Variants in KLF12 observed in about 807,000 individuals in gnomAD.
KLF12 encodes KLF transcription factor 12, also known as Krueppel-like factor 12.
In KLF12, 9 loss-of-function variants were observed where a neutral mutation model predicts 37.8. The ratio of observed to expected loss-of-function variants is 0.24; its 90% confidence interval spans 0.14 to 0.42. The LOEUF (loss-of-function observed/expected upper bound fraction) is 0.42, where lower values mean the gene tolerates loss of function less well. KLF12 is among the 10% of genes least tolerant of loss of function. The pLI, the probability that KLF12 is intolerant of heterozygous loss-of-function variation, is 1.00. For missense variants in KLF12, 411 were observed against 516.0 expected (o/e 0.80, Z 1.97); for synonymous variants, 208 against 202.1 (o/e 1.03, Z -0.25).
the KLF12 span, among the ~76,000 whole-genome samples, chr13:74,231,203 ATT>A: frequency 6.8e-5 from 10 of 147,456 alleles, no homozygotes; most frequent in African/African-American, 2.2e-4. Context: ...GGACCATGTC[ATT>A]TTTTTTTTTC....
chr13:73,830,706 C>T (rs1475757561), intron 4 of KLF12, among the ~76,000 whole-genome samples: 2 of 152,100 alleles, frequency 1.3e-5, no homozygotes, highest in African/African-American at 2.4e-5. Context: ...ACTACCACAA[C>T]GAGGCAAGAT....
chr13:73,873,520 C>T (rs1453784079), intron 3 of KLF12, among the ~76,000 whole-genome samples: 1 of 152,032 alleles, frequency 6.6e-6, no homozygotes, highest in Non-Finnish European at 1.5e-5. Context: ...TCTAAATGAC[C>T]AAAACTACAT....
intron 4 of KLF12, among the ~76,000 whole-genome samples, chr13:73,843,194 A>C (rs1003214964): frequency 2.0e-5 from 3 of 152,192 alleles, no homozygotes; most frequent in African/African-American, 7.2e-5. Context: ...TGTTTTTATA[A>C]AAAAGAGAAA....
At chr13:73,977,287 C>T (rs753520695) in intron 2 of KLF12, among the ~76,000 whole-genome samples, 1 of 152,118 alleles carries the variant, frequency 6.6e-6, no homozygotes, top group Non-Finnish European at 1.5e-5. Context: ...TCAAAGTGAT[C>T]TGCTCACCTC....
At chr13:74,116,234 C>T (rs1018558591) in intron 1 of KLF12, among the ~76,000 whole-genome samples, 3 of 152,180 alleles carry the variant, frequency 2.0e-5, no homozygotes, top group African/African-American at 7.2e-5. Flanking sequence ...GATTACTTAA[C>T]ACAATGCCCA....
At chr13:73,899,968 T>C (rs909769229) in intron 3 of KLF12, among the ~76,000 whole-genome samples, 2 of 152,222 alleles carry the variant, frequency 1.3e-5, no homozygotes, top group African/African-American at 4.8e-5. Context: ...CCTATCGGTT[T>C]TGATTCTTTA....
At chr13:74,057,502 C>T (rs1415240678) in intron 1 of KLF12, among the ~76,000 whole-genome samples, 3 of 152,190 alleles carry the variant, frequency 2.0e-5, no homozygotes, top group Admixed American at 1.3e-4. Context: ...AAGACCAAAG[C>T]ACTCAGCTAG....
intron 2 of KLF12, among the ~76,000 whole-genome samples, chr13:73,947,167 GTATATT>G (rs1890462959): frequency 6.6e-6 from 1 of 152,164 alleles, no homozygotes; most frequent in African/African-American, 2.4e-5. Flanking sequence ...AGTATTCTTT[GTATATT>G]TATAACAAAC....
Position 73,695,289 on chromosome 13 carries a change from G to C in KLF12, c.*201C>G, listed in dbSNP as rs2281984. The C allele has an allele frequency of 0.86, 475,753 of 555,482 alleles. 205,113 individuals carry two copies. Among genetic ancestry groups the C allele is most frequent in the Middle Eastern group, 0.9 (1,884 of 2,102 alleles). 34.4% of individuals were successfully genotyped at this position (555,482 alleles called of 1,614,324 possible). A position where few individuals can be genotyped will look rare whatever the true frequency, so the allele number is the denominator to read the frequency against. ...TTATGTCACTGAGCTCCCAGGCCCG[G>C]GTAAAGACGGTTCTCGTCTAGTCAT... On this transcript the variant is annotated 3_prime_UTR_variant, in exon 8 of 8. Transcript: ENST00000377669.
chr13:74,208,936 T>C, the KLF12 span, among the ~76,000 whole-genome samples: 39 of 152,168 alleles, frequency 2.6e-4, 1 homozygote, highest in African/African-American at 8.7e-4. Flanking sequence ...GCTTAAGTGC[T>C]GTGGAAGAAA....
At chr13:74,269,410 G>A in the KLF12 span, among the ~76,000 whole-genome samples, 17 of 152,224 alleles carry the variant, frequency 1.1e-4, no homozygotes, top group South Asian at 3.5e-3. Flanking sequence ...TTCATATAGA[G>A]CATACTGAGT....
intron 1 of KLF12, among the ~76,000 whole-genome samples, chr13:74,039,584 A>G (rs1266024461): frequency 1.3e-5 from 2 of 152,342 alleles, no homozygotes; most frequent in Middle Eastern, 3.4e-3. Context: ...AAAGAAAAAC[A>G]TAATTCTGTA....
rs1016314753 is a variant in KLF12, at chr13:73,688,086, A to T, written c.*7404T>A. On this transcript the variant is annotated 3_prime_UTR_variant, in exon 8 of 8. Coordinates refer to ENST00000377669, the MANE Select transcript of KLF12 (RefSeq NM_007249.5). Reference sequence around the variant, plus strand: ...TTTCCCCAGCCAAGTAACAGGGAGAAAGATAATAATTCAGGAGATTCATTT... The same window carrying T: ...TTTCCCCAGCCAAGTAACAGGGAGATAGATAATAATTCAGGAGATTCATTT... 1.3e-5 allele frequency: 2 copies of T among 152,612 alleles called. No homozygotes were observed. Among genetic ancestry groups the T allele is most frequent in the African/African-American group, 4.8e-5 (2 of 41,448 alleles). 9.5% of individuals were successfully genotyped at this position (152,612 alleles called of 1,614,324 possible).
At chr13:74,210,313 A>G in the KLF12 span, among the ~76,000 whole-genome samples, 1 of 152,146 alleles carries the variant, frequency 6.6e-6, no homozygotes, top group South Asian at 2.1e-4. Flanking sequence ...TCTTCTTTTA[A>G]ATTTTAAAAT....
intron 2 of KLF12, among the ~76,000 whole-genome samples, chr13:73,984,005 G>A (rs970804550): frequency 1.3e-5 from 2 of 152,162 alleles, no homozygotes; most frequent in Admixed American, 6.5e-5. Context: ...TACAAGGGTG[G>A]GTCCCAGGAG....
At chr13:74,253,856 A>G in the KLF12 span, among the ~76,000 whole-genome samples, 3 of 152,218 alleles carry the variant, frequency 2.0e-5, no homozygotes, top group African/African-American at 7.2e-5. Flanking sequence ...TGTACCCAGT[A>G]TGTGAGCTCC....
intron 1 of KLF12, among the ~76,000 whole-genome samples, chr13:74,124,746 A>G (rs1877841395): frequency 6.6e-6 from 1 of 152,242 alleles, no homozygotes; most frequent in Non-Finnish European, 1.5e-5. Context: ...CCAAAACACC[A>G]TAAAACCATC....
the KLF12 span, among the ~76,000 whole-genome samples, chr13:74,199,091 G>A: frequency 1.3e-5 from 2 of 152,216 alleles, no homozygotes; most frequent in Admixed American, 1.3e-4. Context: ...CATTCTCACA[G>A]GACAGCCAGA....
intron 6 of KLF12, among the ~76,000 whole-genome samples, chr13:73,754,947 T>C (rs1311238776): frequency 1.3e-5 from 2 of 152,242 alleles, no homozygotes; most frequent in African/African-American, 4.8e-5. Context: ...CTTTAGCCTT[T>C]GTCTCCTACC....
Sources: allele counts gnomAD v4.1 joint callset (sites outside exome capture counted in the v4.1 genomes callset), GRCh38; gene constraint gnomAD v4.1.1; transcripts MANE v1.5; gene names NCBI Gene and HGNC (gene_info 2026-07-23, HGNC 2026-07-21).